MCF2L2: variants seen among roughly 807,000 people sequenced by gnomAD.
MCF2L2 encodes probable guanine nucleotide exchange factor MCF2L2.
MCF2L2 carries 102 observed loss-of-function variants against 150.2 expected under a neutral mutation model. The ratio of observed to expected loss-of-function variants is 0.68; its 90% CI spans 0.58 to 0.80. The LOEUF is 0.80. Ranked by LOEUF, MCF2L2 falls within the 30% of genes least tolerant of loss-of-function variation. The pLI, the probability that MCF2L2 is intolerant of heterozygous loss-of-function variation, is 0.00. For synonymous variants in MCF2L2, 465 were observed against 491.3 expected (o/e 0.95, Z 0.71); for missense variants, 1,256 against 1,372.8 (o/e 0.91, Z 1.34).
intron 10 of MCF2L2, among the ~76,000 whole-genome samples, chr3:183,306,377 C>T (rs1025952530): frequency 3.3e-5 from 5 of 152,208 alleles, no homozygotes; most frequent in Admixed American, 3.3e-4. Context: ...ATCTTCTGAT[C>T]ACAAGCCCAT....
chr3:183,260,728 T>C (rs1161261823), intron 15 of MCF2L2, among the ~76,000 whole-genome samples: 1 of 152,176 alleles, frequency 6.6e-6, no homozygotes, highest in Non-Finnish European at 1.5e-5. Context: ...GAGATATAAG[T>C]GAGTTTACAT....
chr3:183,223,675 A>T (rs922101238), intron 19 of MCF2L2, among the ~76,000 whole-genome samples: 2 of 152,216 alleles, frequency 1.3e-5, no homozygotes, highest in Admixed American at 1.3e-4. Context: ...GGGAAGCAGA[A>T]CCATTTATTT....
chr3:183,188,026 G>A (rs1216299567), intron 27 of MCF2L2, among the ~76,000 whole-genome samples: 2 of 152,164 alleles, frequency 1.3e-5, no homozygotes, highest in South Asian at 2.1e-4. Flanking sequence ...AACAAAGGCC[G>A]AGAGGGACAT....
At chr3:183,319,053 C>T (rs1033382482) in intron 6 of MCF2L2, among the ~76,000 whole-genome samples, 1 of 152,158 alleles carries the variant, frequency 6.6e-6, no homozygotes, top group Non-Finnish European at 1.5e-5. Flanking sequence ...CTGTAGCATG[C>T]GAAACTGTTT....
chr3:183,356,760 A>G (rs1711809843), intron 3 of MCF2L2, among the ~76,000 whole-genome samples: 2 of 152,224 alleles, frequency 1.3e-5, no homozygotes, highest in Admixed American at 1.3e-4. Context: ...TGAATTGAAT[A>G]AAAGCAAAGC....
At chr3:183,279,983 T>C (rs949606377) in intron 14 of MCF2L2, among the ~76,000 whole-genome samples, 1 of 151,374 alleles carries the variant, frequency 6.6e-6, no homozygotes, top group African/African-American at 2.4e-5. Context: ...ACCAAGATTG[T>C]GCCACTGCCC....
At chr3:183,278,955 G>A (rs562939549) in intron 14 of MCF2L2, among the ~76,000 whole-genome samples, 9 of 152,328 alleles carry the variant, frequency 5.9e-5, no homozygotes, top group Admixed American at 5.9e-4. Context: ...TGGAGGTAGA[G>A]GGAGTCTCCT....
In MCF2L2 at chr3:183,179,653, A is replaced by C. The variant is rs1233159229; in HGVS notation, c.3145T>G (p.Cys1049Gly). Reference protein sequence around the residue: ...LFQSDDSHETCSSKSAFLERG... With the variant: ...LFQSDDSHETGSSKSAFLERG... ...TCCAGGAAAGCAGATTTGGAGGAAC[A>C]GGTTTCGTGACTGTCGTCCGACTGG... Residue 1049 changes from cysteine to glycine, a missense_variant, in exon 29 of 30, where the codon TGT becomes GGT. Transcript: ENST00000328913. This position sits in a 1 kb window ranked among gnomAD's most constrained non-coding sequence, Gnocchi z 4.2. 2 of 1,614,088 alleles carry C rather than the reference A, an allele frequency of 1.2e-6. No individual in the cohort carries two copies. Among genetic ancestry groups the C allele is most frequent in the East Asian group, 4.5e-5 (2 of 44,876 alleles).
Position 183,326,710 on chromosome 3 carries a change from G to A in MCF2L2, c.487-3359C>T, listed in dbSNP as rs1261682419. On this transcript the variant is annotated intron_variant, in intron 5 of 29. Coordinates refer to ENST00000328913, the MANE Select transcript of MCF2L2 (RefSeq NM_015078.4). ...ACCAGGAATTTGATATGCTTATAATGTGTGTGTATGTAGCTCTGTCATTTT... is the reference window on the plus strand; with the variant it reads ...ACCAGGAATTTGATATGCTTATAATATGTGTGTATGTAGCTCTGTCATTTT... Among the ~76,000 whole-genome samples the A allele has an allele frequency of 2.3e-4, 3 of 13,112 alleles. No homozygotes were observed. The East Asian group carries it at 0.088, about 386-fold the overall frequency. The allele number at this position is 13,112 out of a possible 152,430, so 8.6% of individuals were successfully genotyped here. A position where few individuals can be genotyped will look rare whatever the true frequency, so the allele number is the denominator to read the frequency against.
chr3:183,276,924 C>T lies in MCF2L2; in HGVS notation c.1810G>A (p.Gly604Arg). The T allele has an allele frequency of 6.2e-7, 1 of 1,610,436 alleles. No homozygotes were observed. Among genetic ancestry groups the T allele is most frequent in the Non-Finnish European group, 8.5e-7 (1 of 1,178,208 alleles). The change falls in exon 15 of 30, where the codon GGG becomes AGG. Residue 604 changes from glycine to arginine, a missense_variant. Transcript: ENST00000328913. ...EEIFESHHER[G>R]NPELEQQARL... ...GCCTGCTGCTCCAGCTCAGGGTTCC[C>T]CCTTTCATGATGGCTTTCAAAGATT...
At chr3:183,213,428 T>C (rs1434538035) in intron 22 of MCF2L2, among the ~76,000 whole-genome samples, 1 of 152,130 alleles carries the variant, frequency 6.6e-6, no homozygotes, top group East Asian at 1.9e-4. Context: ...GATTTTTTTC[T>C]AGTTGCTTTC....
chr3:183,272,911 A>G (rs1726905559), intron 15 of MCF2L2: 5 of 1,348,396 alleles, frequency 3.7e-6, no homozygotes, highest in Non-Finnish European at 4.8e-6. Flanking sequence ...TTGCTGAAAG[A>G]GCTCTTCTGA....
intron 27 of MCF2L2, among the ~76,000 whole-genome samples, chr3:183,182,176 C>A (rs777188575): frequency 1.3e-5 from 2 of 152,144 alleles, no homozygotes; most frequent in Non-Finnish European, 2.9e-5. Context: ...CGAGGATTTG[C>A]CTGAACGTGG....
chr3:183,285,678 G>A (rs1012999346), intron 14 of MCF2L2, among the ~76,000 whole-genome samples: 9 of 152,038 alleles, frequency 5.9e-5, no homozygotes, highest in Non-Finnish European at 7.4e-5. Flanking sequence ...TTTAATTTAG[G>A]AGGCTCTTTG....
At chr3:183,195,422 C>T (rs1401192266) in intron 25 of MCF2L2, among the ~76,000 whole-genome samples, 167 bp from the exon 26 acceptor site, 1 of 152,114 alleles carries the variant, frequency 6.6e-6, no homozygotes, top group Non-Finnish European at 1.5e-5. Flanking sequence ...GAAAACGCTG[C>T]TACAGTCCCT....
intron 15 of MCF2L2, chr3:183,254,861 C>T (rs1297970418): frequency 6.6e-6 from 1 of 152,252 alleles, no homozygotes; most frequent in African/African-American, 2.4e-5. Context: ...CCACTCTTTC[C>T]TTTGACTCTG....
intron 19 of MCF2L2, among the ~76,000 whole-genome samples, 187 bp downstream of exon 19, chr3:183,223,911 C>T (rs1560351815): frequency 2.6e-5 from 4 of 152,152 alleles, no homozygotes; most frequent in Non-Finnish European, 1.5e-5. Flanking sequence ...GTTTTCTCAC[C>T]AGATATAGGT....
chr3:183,375,942 TC>T (rs1478299620), intron 3 of MCF2L2: 1 of 152,224 alleles, frequency 6.6e-6, no homozygotes, highest in Non-Finnish European at 1.5e-5. Flanking sequence ...CAAGTCAAGT[TC>T]CCCTTTCAGG....
chr3:183,391,839 T>C (rs1714171450), intron 1 of MCF2L2, among the ~76,000 whole-genome samples: 1 of 152,232 alleles, frequency 6.6e-6, no homozygotes, highest in African/African-American at 2.4e-5. Context: ...GACAGTGGCA[T>C]ACTCAGAAAT....
Sources: gnomAD v4.1 joint callset for allele counts (sites outside exome capture counted in the v4.1 genomes callset) on GRCh38, gnomAD v4.1.1 for gene constraint, Gnocchi (gnomAD v3.1) non-coding constraint, MANE v1.5 for transcripts, NCBI Gene and HGNC (gene_info 2026-07-23, HGNC 2026-07-21) for gene names.